The following LYPLAL1 variants were observed in gnomAD, a reference collection of about 807,000 sequenced individuals.
LYPLAL1 encodes the protein lysophospholipase like 1, also known as lysophospholipase-like protein 1.
In LYPLAL1, 23 loss-of-function variants were observed where a neutral mutation model predicts 19.7. The observed-to-expected ratio is 1.17, with a 90% CI of 0.84 to 1.65. The LOEUF is 1.65. Ranked by LOEUF, LYPLAL1 falls within the 40% of genes most tolerant of loss-of-function variation. LYPLAL1 has a pLI of 0.00. For missense variants in LYPLAL1, 355 were observed against 279.4 expected, an observed-to-expected ratio of 1.27 and a Z score of -1.93; for synonymous variants, 119 against 96.3, an observed-to-expected ratio of 1.24 and a Z score of -1.38.
the LYPLAL1 span, among the ~76,000 whole-genome samples, chr1:219,364,794 A>G: frequency 6.6e-6 from 1 of 152,132 alleles, no homozygotes; most frequent in Non-Finnish European, 1.5e-5. Flanking sequence ...TGAGTCTTTA[A>G]TTTTAAACTT....
the LYPLAL1 span, among the ~76,000 whole-genome samples, chr1:219,402,994 A>G: frequency 2.0e-5 from 3 of 152,344 alleles, no homozygotes; most frequent in South Asian, 2.1e-4. Context: ...CCAGAGAATT[A>G]CTGGAACCCA....
chr1:219,272,927 G>A, the LYPLAL1 span: 3 of 152,044 alleles, frequency 2.0e-5, no homozygotes, highest in African/African-American at 7.2e-5. Flanking sequence ...AAGCAGAAAA[G>A]TGTGAACCAT....
At chr1:219,227,871 C>T in the LYPLAL1 span, among the ~76,000 whole-genome samples, 1 of 152,146 alleles carries the variant, frequency 6.6e-6, no homozygotes, top group African/African-American at 2.4e-5. Context: ...ATAGAAAATA[C>T]TAACTCAAAC....
the LYPLAL1 span, among the ~76,000 whole-genome samples, chr1:219,416,416 A>G: frequency 3.9e-5 from 6 of 152,264 alleles, no homozygotes; most frequent in African/African-American, 9.6e-5. Context: ...ATCTCAGCCC[A>G]GGAGAGTTCT....
the LYPLAL1 span, among the ~76,000 whole-genome samples, chr1:219,275,849 C>T: frequency 6.6e-6 from 1 of 152,192 alleles, no homozygotes; most frequent in South Asian, 2.1e-4. Flanking sequence ...ATTCTTTGCT[C>T]CTAAGACACT....
chr1:219,372,300 T>C, the LYPLAL1 span, among the ~76,000 whole-genome samples: 1 of 152,170 alleles, frequency 6.6e-6, no homozygotes, highest in Non-Finnish European at 1.5e-5. Context: ...ACACTTCCCT[T>C]CTTATGCAAA....
At chr1:219,216,650 T>C (rs1459401330), downstream of LYPLAL1, among the ~76,000 whole-genome samples, 1 of 152,104 alleles carries the variant, frequency 6.6e-6, no homozygotes, top group Non-Finnish European at 1.5e-5. Flanking sequence ...CTCACACATA[T>C]CTGATGACTA....
intron 3 of LYPLAL1, among the ~76,000 whole-genome samples, chr1:219,194,487 A>G (rs911355047): frequency 1.3e-5 from 2 of 152,056 alleles, no homozygotes; most frequent in Non-Finnish European, 2.9e-5. Flanking sequence ...AGCAAGATCT[A>G]TCTGCCTTAC....
the LYPLAL1 span, among the ~76,000 whole-genome samples, chr1:219,329,128 G>T: frequency 2.0e-3 from 302 of 150,430 alleles, 2 homozygotes; most frequent in African/African-American, 6.8e-3. Flanking sequence ...TTAATTATTT[G>T]ATCTGACCAT....
the LYPLAL1 span, among the ~76,000 whole-genome samples, chr1:219,229,346 G>T: frequency 7.0e-6 from 1 of 142,770 alleles, no homozygotes; most frequent in Non-Finnish European, 1.5e-5. Flanking sequence ...AGACACGCAG[G>T]CTACCGAACA....
chr1:219,416,103 T>G, the LYPLAL1 span, among the ~76,000 whole-genome samples: 1 of 152,234 alleles, frequency 6.6e-6, no homozygotes, highest in East Asian at 1.9e-4. Flanking sequence ...CTATTATTAC[T>G]AATAACATGT....
chr1:219,185,708 T>C (rs1447657024), intron 2 of LYPLAL1, among the ~76,000 whole-genome samples: 1 of 152,052 alleles, frequency 6.6e-6, no homozygotes, highest in Non-Finnish European at 1.5e-5. Context: ...TGGAATCATC[T>C]GAAGGCTCAC....
At chr1:219,412,325 C>A in the LYPLAL1 span, among the ~76,000 whole-genome samples, 1 of 152,182 alleles carries the variant, frequency 6.6e-6, no homozygotes, top group Non-Finnish European at 1.5e-5. Flanking sequence ...CTGCACCAAG[C>A]CTTATTTGGT....
chr1:219,318,739 A>C, the LYPLAL1 span, among the ~76,000 whole-genome samples: 1 of 152,196 alleles, frequency 6.6e-6, no homozygotes, highest in African/African-American at 2.4e-5. Flanking sequence ...GCTAATGATG[A>C]AGTCTTGGGA....
At chr1:219,292,801 A>T in the LYPLAL1 span, among the ~76,000 whole-genome samples, 1 of 152,104 alleles carries the variant, frequency 6.6e-6, no homozygotes, top group South Asian at 2.1e-4. Flanking sequence ...TGGTGTGTTG[A>T]GATAGAGAGG....
the LYPLAL1 span, among the ~76,000 whole-genome samples, chr1:219,283,450 A>C: frequency 6.6e-6 from 1 of 152,172 alleles, no homozygotes; most frequent in Non-Finnish European, 1.5e-5. Flanking sequence ...AGTTTAGCGT[A>C]TTTGCCTCTG....
At chr1:219,201,911 A>G (rs890244319) in intron 3 of LYPLAL1, among the ~76,000 whole-genome samples, 35 of 152,270 alleles carry the variant, frequency 2.3e-4, no homozygotes, top group African/African-American at 7.7e-4. Flanking sequence ...ATAATATTCA[A>G]GTCTTTTGTT....
chr1:219,321,249 G>A, the LYPLAL1 span, among the ~76,000 whole-genome samples: 1 of 152,206 alleles, frequency 6.6e-6, no homozygotes, highest in Non-Finnish European at 1.5e-5. Flanking sequence ...CTTTTGAGAA[G>A]TGTCTGTTCA....
At chr1:219,379,550 C>G in the LYPLAL1 span, among the ~76,000 whole-genome samples, 1 of 152,210 alleles carries the variant, frequency 6.6e-6, no homozygotes, top group South Asian at 2.1e-4. Flanking sequence ...AGGAGGGTCT[C>G]TGTTGGGTCT....
Sources: allele counts gnomAD v4.1 joint callset (sites outside exome capture counted in the v4.1 genomes callset), GRCh38; gene constraint gnomAD v4.1.1; transcripts MANE v1.5; gene names NCBI Gene and HGNC (gene_info 2026-07-23, HGNC 2026-07-21).